CCDC28A: variants seen among roughly 807,000 people sequenced by gnomAD.
CCDC28A encodes coiled-coil domain-containing protein 28A.
CCDC28A carries 24 observed loss-of-function variants against 22.1 expected under a neutral mutation model. The observed-to-expected ratio is 1.09, with a 90% confidence interval of 0.79 to 1.53. The LOEUF is 1.53. Ranked by LOEUF, CCDC28A falls within the 40% of genes most tolerant of loss-of-function variation. CCDC28A has a pLI of 0.00. For synonymous variants in CCDC28A, 83 were observed against 74.7 expected (o/e 1.11, Z -0.57); for missense variants, 170 against 210.7 (o/e 0.81, Z 1.20).
intron 2 of CCDC28A, among the ~76,000 whole-genome samples, chr6:138,777,725 C>T (rs1397070812): frequency 2.0e-5 from 3 of 152,062 alleles, no homozygotes; most frequent in African/African-American, 4.8e-5. Flanking sequence ...CAGGAATAAA[C>T]AGGTTTTTGT....
At chr6:138,776,016 T>C in intron 1 of CCDC28A, 63 bp from the exon 2 acceptor site, 1 of 1,381,444 alleles carries the variant, frequency 7.2e-7, no homozygotes, top group Admixed American at 1.7e-5. Flanking sequence ...AAATGGGTCT[T>C]TGAATTTCTT....
At chr6:138,788,775 T>TTGCTG (rs1379892122) in intron 5 of CCDC28A, among the ~76,000 whole-genome samples, 2 of 152,060 alleles carry the variant, frequency 1.3e-5, no homozygotes, top group Admixed American at 1.3e-4. Flanking sequence ...TTCTTGTTGT[T>TTGCTG]TTCTATGCTG....
In CCDC28A at chr6:138,790,162, T is replaced by C. The variant is rs192099234; in HGVS notation, c.500+1774T>C. 1.5e-3 allele frequency among the ~76,000 whole-genome samples: 228 copies of C among 152,266 alleles called. 1 individual carries two copies. Among genetic ancestry groups the C allele is most frequent in the Non-Finnish European group, 2.6e-3 (174 of 68,024 alleles). ...TTTTGTGTGGTTTTGTTTGTTTGTT[T>C]GTTTGTTTTGAGACGGGTCTCGCCC... On this transcript the variant is annotated intron_variant, in intron 5 of 5. Transcript: ENST00000617445.
At chr6:138,787,513 A>G (rs1199780443) in intron 4 of CCDC28A, among the ~76,000 whole-genome samples, 1 of 152,252 alleles carries the variant, frequency 6.6e-6, no homozygotes, top group Non-Finnish European at 1.5e-5. Context: ...ATTCTACCTC[A>G]TATAGAAAAT....
At chr6:138,786,121 A>G (rs1416171426) in intron 4 of CCDC28A, among the ~76,000 whole-genome samples, 1 of 152,210 alleles carries the variant, frequency 6.6e-6, no homozygotes, top group Non-Finnish European at 1.5e-5. Flanking sequence ...GAGGCCTCTC[A>G]GTTTGTAGTA....
At chr6:138,782,647 G>A (rs1301435475) in intron 3 of CCDC28A, among the ~76,000 whole-genome samples, 1 of 152,050 alleles carries the variant, frequency 6.6e-6, no homozygotes, top group Non-Finnish European at 1.5e-5. Flanking sequence ...CGTATCTTGA[G>A]ATATTTCTGT....
rs929804009 is a variant in CCDC28A at position 138,777,621 on chromosome 6, C to T, written c.158+1343C>T. The stretch of plus-strand genomic sequence containing the variant: ...ATCATTGTGTGCCTGACAGAACTTA[C>T]AGTGGGGCTTTGCACATAGTATTAT... On this transcript the variant is annotated intron_variant, in intron 2 of 5. Coordinates refer to ENST00000617445, the MANE Select transcript of CCDC28A (RefSeq NM_015439.3). Among the ~76,000 whole-genome samples the T allele has an allele frequency of 2.6e-5, 4 of 152,310 alleles. 1 individual carries two copies. The South Asian group carries it at 8.3e-4, about 32-fold the overall frequency.
rs530397918 is a variant in CCDC28A, at chr6:138,784,426, C to A, written c.323-801C>A. 2.0e-4 allele frequency among the ~76,000 whole-genome samples: 30 copies of A among 150,898 alleles called. 1 individual carries two copies. In the South Asian group the frequency reaches 6.3e-3, roughly 32 times the overall value. On this transcript the variant is annotated intron_variant, in intron 3 of 5. Transcript: ENST00000617445. ...AGTACAGTGGCTTGAACACAGCTCA[C>A]TGCAACCTTCACCTGCTGGGCTCAA...
rs202062726 is a variant in CCDC28A at position 138,785,286 on chromosome 6, C to T, written c.382C>T (p.Arg128Cys). Residue 128 changes from arginine to cysteine, a missense_variant, in exon 4 of 6, where the codon CGC becomes TGC. Transcript: ENST00000617445. The part of the protein sequence containing the change: ...HVRGMQEKLA[R>C]LNLELYGELE... ...TCGGGGAATGCAGGAGAAATTAGCT[C>T]GCTTGAATTTGGAGCTCTATGGGGA... 1.4e-4 allele frequency: 231 copies of T among 1,613,026 alleles called. 1 individual carries two copies. Among genetic ancestry groups the T allele is most frequent in the East Asian group, 2.2e-5 (1 of 44,878 alleles).
chr6:138,789,931 G>T (rs79098656), intron 5 of CCDC28A, among the ~76,000 whole-genome samples: 1 of 152,176 alleles, frequency 6.6e-6, no homozygotes, highest in Non-Finnish European at 1.5e-5. Flanking sequence ...TTGGAAGTGG[G>T]TGGTGTTATG....
intron 5 of CCDC28A, among the ~76,000 whole-genome samples, chr6:138,792,432 G>A (rs1775184576): frequency 6.6e-6 from 1 of 151,926 alleles, no homozygotes; most frequent in Non-Finnish European, 1.5e-5. Flanking sequence ...TGAGGTGGGA[G>A]GATTGCTTGA....
chr6:138,774,870 T>C (rs1250692042), intron 1 of CCDC28A, among the ~76,000 whole-genome samples: 1 of 152,254 alleles, frequency 6.6e-6, no homozygotes, highest in Non-Finnish European at 1.5e-5. Context: ...ATTCATCTTA[T>C]GATATATGAA....
At chr6:138,778,421 GCTT>G (rs766376186) in intron 2 of CCDC28A, among the ~76,000 whole-genome samples, 20 of 152,172 alleles carry the variant, frequency 1.3e-4, no homozygotes, top group Non-Finnish European at 2.5e-4. Context: ...TGAACGAACT[GCTT>G]CTCTCTCTTC....
chr6:138,777,614 G>T (rs1038047979), intron 2 of CCDC28A, among the ~76,000 whole-genome samples: 3 of 152,220 alleles, frequency 2.0e-5, no homozygotes, highest in Non-Finnish European at 4.4e-5. Context: ...GTGCCTGACA[G>T]AACTTACAGT....
At chr6:138,787,273 C>T (rs944589013) in intron 4 of CCDC28A, among the ~76,000 whole-genome samples, 1 of 151,878 alleles carries the variant, frequency 6.6e-6, no homozygotes, top group Non-Finnish European at 1.5e-5. Context: ...TAAAAGAGGC[C>T]CAAGAGAAAC....
intron 3 of CCDC28A, among the ~76,000 whole-genome samples, chr6:138,784,973 T>TA (rs1490548768): frequency 6.6e-6 from 1 of 152,208 alleles, no homozygotes; most frequent in Non-Finnish European, 1.5e-5. Flanking sequence ...ATTACAGGCG[T>TA]GAGCCACCAC....
chr6:138,783,015 C>T lies in CCDC28A; in HGVS notation c.323-2212C>T, dbSNP rs904355524. Among the ~76,000 whole-genome samples, 5 of 151,954 alleles carry T rather than the reference C, an allele frequency of 3.3e-5. 1 individual carries two copies. The highest frequency in any genetic ancestry group is 4.2e-4 in the South Asian group (2 of 4,818). The stretch of plus-strand genomic sequence containing the variant: ...ACTTAAACTGAATGAAAAGATAATA[C>T]GTTATGTGTATAAATTAGTTGCTCT... On this transcript the variant is annotated intron_variant, in intron 3 of 5. Coordinates refer to ENST00000617445, the MANE Select transcript of CCDC28A (RefSeq NM_015439.3).
chr6:138,777,383 T>C (rs1034899912), intron 2 of CCDC28A, among the ~76,000 whole-genome samples: 2 of 152,198 alleles, frequency 1.3e-5, no homozygotes, highest in African/African-American at 4.8e-5. Context: ...ATTATCAGAA[T>C]GGGGTTTTTG....
At chr6:138,778,295 T>TA (rs1319673881) in intron 2 of CCDC28A, among the ~76,000 whole-genome samples, 1 of 152,162 alleles carries the variant, frequency 6.6e-6, no homozygotes, top group Non-Finnish European at 1.5e-5. Flanking sequence ...GTAGTGTGCA[T>TA]TGGGTTATAA....
Sources: allele counts gnomAD v4.1 joint callset (sites outside exome capture counted in the v4.1 genomes callset), GRCh38; gene constraint gnomAD v4.1.1; transcripts MANE v1.5; gene names NCBI Gene and HGNC (gene_info 2026-07-23, HGNC 2026-07-21).